EPHA5: variants seen among roughly 807,000 people sequenced by gnomAD.
EPHA5 encodes the protein EPH receptor A5.
A neutral mutation model predicts 105.0 loss-of-function variants in EPHA5; 60 were observed. That is an observed-to-expected ratio of 0.57 (90% confidence interval 0.46 to 0.71). The LOEUF is 0.71. Ranked by LOEUF, EPHA5 falls within the 30% of genes least tolerant of loss-of-function variation. The pLI is 0.00. For synonymous variants in EPHA5, 513 were observed against 449.1 expected (o/e 1.14, Z -1.80); for missense variants, 1,218 against 1,274.7 (o/e 0.96, Z 0.68).
chr4:65,629,770 C>T (rs187821646), intron 2 of EPHA5, among the ~76,000 whole-genome samples: 16 of 152,206 alleles, frequency 1.1e-4, no homozygotes, highest in African/African-American at 3.9e-4. Flanking sequence ...ATGTGTTTAA[C>T]GCATGATTCC....
At chr4:65,593,322 A>C (rs907271618) in intron 3 of EPHA5, among the ~76,000 whole-genome samples, 13 of 152,182 alleles carry the variant, frequency 8.5e-5, no homozygotes, top group South Asian at 2.1e-4. Flanking sequence ...TACTATTTTT[A>C]CATACATACA....
chr4:65,550,878 C>T (rs1259416283), intron 3 of EPHA5, among the ~76,000 whole-genome samples: 1 of 151,734 alleles, frequency 6.6e-6, no homozygotes, highest in Non-Finnish European at 1.5e-5. Context: ...CTACTAAAAA[C>T]TCCTGAGTAC....
chr4:65,334,527 T>C (rs202145317), intron 15 of EPHA5, among the ~76,000 whole-genome samples: 10 of 152,092 alleles, frequency 6.6e-5, no homozygotes, highest in East Asian at 3.9e-4. Flanking sequence ...TACATGGTTA[T>C]TGAAGTCATC....
At position 65,670,261 on chromosome 4, in the gene EPHA5, C is replaced by A; in HGVS notation, c.-519G>T. ...ATGTGGAGAATGAAAAACAGGAGAG[C>A]AGCGAGCAAAAGCAAAGATCCAGAG... is the stretch of plus-strand genomic sequence containing the variant. On this transcript the variant is annotated 5_prime_UTR_variant, in exon 1 of 17. Coordinates refer to ENST00000613740, the MANE Select transcript of EPHA5 (RefSeq NM_001281766.3). The A allele has an allele frequency of 4.3e-6, 1 of 234,060 alleles. No homozygotes were observed. The highest frequency in any genetic ancestry group is 5.6e-5 in the Admixed American group (1 of 17,804). 14.5% of individuals were successfully genotyped at this position (234,060 alleles called of 1,614,324 possible). A position where few individuals can be genotyped will look rare whatever the true frequency, so the allele number is the denominator to read the frequency against.
chr4:65,413,963 T>C (rs1425452927), intron 7 of EPHA5, among the ~76,000 whole-genome samples: 2 of 152,072 alleles, frequency 1.3e-5, no homozygotes, highest in African/African-American at 4.8e-5. Flanking sequence ...ATAAAACGAC[T>C]AAAAAAGTAA....
In EPHA5 at chr4:65,322,132, A is replaced by C. The variant is rs923937362; in HGVS notation, c.*1982T>G. ...CTAAACTAATAGATTATATGTTTGCAGCACAGTTTGTGTGGACCCATGGTA... is the reference window on the plus strand; with the variant it reads ...CTAAACTAATAGATTATATGTTTGCCGCACAGTTTGTGTGGACCCATGGTA... On this transcript the variant is annotated 3_prime_UTR_variant, in exon 17 of 17. Coordinates refer to ENST00000613740, the MANE Select transcript of EPHA5 (RefSeq NM_001281766.3). The C allele has an allele frequency of 1.3e-5, 3 of 224,186 alleles. No homozygotes were observed. The highest frequency in any genetic ancestry group is 2.7e-5 in the Non-Finnish European group (3 of 112,344). The allele number at this position is 224,186 out of a possible 1,614,324, so 13.9% of individuals were successfully genotyped here.
At chr4:65,556,918 C>T (rs1020397580) in intron 3 of EPHA5, among the ~76,000 whole-genome samples, 2 of 151,842 alleles carry the variant, frequency 1.3e-5, no homozygotes, top group African/African-American at 4.8e-5. Flanking sequence ...TCTAAATTCA[C>T]GGAATGTTGC....
chr4:65,641,254 G>A (rs1001690678), intron 2 of EPHA5, among the ~76,000 whole-genome samples: 16 of 152,200 alleles, frequency 1.1e-4, no homozygotes, highest in African/African-American at 2.6e-4. Flanking sequence ...GAAAGGACAC[G>A]GAGCAAGTAA....
intron 3 of EPHA5, among the ~76,000 whole-genome samples, chr4:65,575,761 C>G (rs1297767029): frequency 6.6e-6 from 1 of 151,822 alleles, no homozygotes; most frequent in Non-Finnish European, 1.5e-5. Context: ...GGCCTGACAT[C>G]AGGACTTTGA....
chr4:65,552,149 C>T (rs1737983027), intron 3 of EPHA5, among the ~76,000 whole-genome samples: 2 of 152,148 alleles, frequency 1.3e-5, no homozygotes, highest in Admixed American at 1.3e-4. Context: ...GTCAGAACAG[C>T]CAAAGCAGAT....
At chr4:65,478,869 GA>G (rs1209672099) in intron 5 of EPHA5, among the ~76,000 whole-genome samples, 3 of 152,116 alleles carry the variant, frequency 2.0e-5, no homozygotes, top group Non-Finnish European at 4.4e-5. Context: ...AATATTTTAA[GA>G]AATCATTAAA....
intron 8 of EPHA5, among the ~76,000 whole-genome samples, chr4:65,401,407 A>G (rs1222290165): frequency 6.6e-6 from 1 of 152,092 alleles, no homozygotes; most frequent in Non-Finnish European, 1.5e-5. Context: ...ATATTTATAT[A>G]ATAAAATATA....
chr4:65,552,168 C>G (rs1046902319), intron 3 of EPHA5, among the ~76,000 whole-genome samples: 1 of 152,196 alleles, frequency 6.6e-6, no homozygotes, highest in African/African-American at 2.4e-5. Context: ...ATGCTGACTT[C>G]ATCAGTATTT....
chr4:65,412,427 T>C (rs935132869), intron 7 of EPHA5, among the ~76,000 whole-genome samples: 1 of 152,126 alleles, frequency 6.6e-6, no homozygotes, highest in Non-Finnish European at 1.5e-5. Context: ...TGAATTATAT[T>C]CAGAAAATAT....
intron 6 of EPHA5, 137 bp from the exon 7 acceptor site, chr4:65,414,580 A>T (rs1176228161): frequency 2.2e-6 from 2 of 910,172 alleles, no homozygotes; most frequent in East Asian, 5.2e-5. Flanking sequence ...TTTAGAAAAA[A>T]ATCCTACACA....
chr4:65,367,236 T>TAAAAAA, intron 9 of EPHA5, 121 bp downstream of exon 9: 1 of 664,630 alleles, frequency 1.5e-6, no homozygotes, highest in Non-Finnish European at 2.3e-6. Flanking sequence ...AGAACACTTT[T>TAAAAAA]AAAAAAAAAA....
rs539217345 is a variant in EPHA5 at position 65,401,574 on chromosome 4, GT to G, written c.1793+2799del. On this transcript the variant is annotated intron_variant, in intron 8 of 16. Transcript: ENST00000613740. ...CTAAAAAACTATAAGCCTCAGATTC[GT>G]TTTTGGCGAAATGTGCTGTCTTTTC... Among the ~76,000 whole-genome samples, 198 of 152,178 alleles carry G rather than the reference GT, an allele frequency of 1.3e-3. 1 individual carries two copies. Among genetic ancestry groups the G allele is most frequent in the Middle Eastern group, 0.01 (3 of 294 alleles).
chr4:65,482,771 C>G (rs1166007663), intron 5 of EPHA5, among the ~76,000 whole-genome samples: 1 of 152,008 alleles, frequency 6.6e-6, no homozygotes, highest in Non-Finnish European at 1.5e-5. Context: ...AAGGACTCTG[C>G]AATAGCATCA....
chr4:65,341,703 C>G (rs1721742642), intron 14 of EPHA5, among the ~76,000 whole-genome samples: 1 of 151,782 alleles, frequency 6.6e-6, no homozygotes, highest in Non-Finnish European at 1.5e-5. Context: ...AAAATGTAGG[C>G]TTGAAAACTG....
Sources: allele counts gnomAD v4.1 joint callset (sites outside exome capture counted in the v4.1 genomes callset), GRCh38; gene constraint gnomAD v4.1.1; transcripts MANE v1.5; gene names NCBI Gene and HGNC (gene_info 2026-07-23, HGNC 2026-07-21).